Variants in SLC22A24 observed in about 807,000 individuals in gnomAD.
The protein encoded by SLC22A24 is solute carrier family 22 member 24.
A neutral mutation model predicts 49.8 loss-of-function variants in SLC22A24; 53 were observed. The observed-to-expected ratio is 1.06, with a 90% CI of 0.85 to 1.34. SLC22A24 has a LOEUF of 1.34. Ranked by LOEUF, SLC22A24 falls within the 40% of genes most tolerant of loss-of-function variation. The probability of loss-of-function intolerance (pLI) is 0.00; values close to 1 mark genes in which losing one functional copy is unlikely to be tolerated. For missense variants in SLC22A24, 786 were observed against 675.9 expected, an observed-to-expected ratio of 1.16 and a Z score of -1.81; for synonymous variants, 302 against 256.4, an observed-to-expected ratio of 1.18 and a Z score of -1.70.
rs1163784847 is a variant in SLC22A24, at chr11:63,079,993, C to A, written c.1606G>T (p.Asp536Tyr). Residue 536 changes from aspartate to tyrosine, a missense_variant, in exon 10 of 10, where the codon GAT becomes TAT. Transcript: ENST00000612278. Reference sequence around the variant, plus strand: ...TCTTCCTGCTTTATGTTTCTTGAATCTTTTCTGCTGAGAAATAGAAATGCA... The same window carrying A: ...TCTTCCTGCTTTATGTTTCTTGAATATTTTCTGCTGAGAAATAGAAATGCA... ...TIQDVENDRKDSRNIKQEDTC... is the reference protein window; with the variant it reads ...TIQDVENDRKYSRNIKQEDTC... 1 of 1,534,062 alleles carries A rather than the reference C, an allele frequency of 6.5e-7. No individual in the cohort carries two copies. Among genetic ancestry groups the A allele is most frequent in the East Asian group, 2.5e-5 (1 of 40,800 alleles).
chr11:63,097,747 G>A (rs11231353), intron 5 of SLC22A24, among the ~76,000 whole-genome samples: 75,817 of 151,850 alleles, frequency 0.5, 19,086 homozygotes, highest in Middle Eastern at 0.54. Context: ...AAAATAATGA[G>A]TTCATGTCCT....
At chr11:63,118,816 A>C (rs2087229843) in intron 4 of SLC22A24, 96 bp downstream of exon 4, 1 of 1,288,726 alleles carries the variant, frequency 7.8e-7, no homozygotes, top group Non-Finnish European at 1.1e-6. Flanking sequence ...GCTCAGGACT[A>C]GGCCAGAGAC....
At chr11:63,127,373 T>C (rs2087299160) in intron 2 of SLC22A24, among the ~76,000 whole-genome samples, 1 of 152,230 alleles carries the variant, frequency 6.6e-6, no homozygotes, top group African/African-American at 2.4e-5. Flanking sequence ...TAATCCAATC[T>C]GTCATTGGTG....
intron 2 of SLC22A24, among the ~76,000 whole-genome samples, chr11:63,128,808 A>G (rs915812900): frequency 6.6e-6 from 1 of 152,100 alleles, no homozygotes; most frequent in Non-Finnish European, 1.5e-5. Context: ...AATAAATAAC[A>G]GCGCAGCCTG....
rs539587924 is a variant in SLC22A24, at chr11:63,106,628, G to A, written c.831-2330C>T. On this transcript the variant is annotated intron_variant, in intron 4 of 9. Transcript: ENST00000612278. ...TTTTTAATGATCGCCATTCTAACTGGTGTTAGATGGTATCGCATCATGGTT... is the reference window on the plus strand; with the variant it reads ...TTTTTAATGATCGCCATTCTAACTGATGTTAGATGGTATCGCATCATGGTT... Among the ~76,000 whole-genome samples the A allele has an allele frequency of 7.9e-5, 12 of 152,256 alleles. No homozygotes were observed. The South Asian group carries it at 2.5e-3, about 32-fold the overall frequency.
rs1272071065 is a variant in SLC22A24, at chr11:63,083,464, T to G, written c.1071-7A>C. ...GGGTACAGTGATTGCGAATCTGAAG[T>G]GAATAAAAAGGACAAAGACATATTC... On this transcript the variant is annotated splice_polypyrimidine_tract_variant and splice_region_variant and intron_variant, in intron 6 of 9. Coordinates refer to ENST00000612278, the MANE Select transcript of SLC22A24 (RefSeq NM_001136506.2). The G allele has an allele frequency of 6.5e-7, 1 of 1,546,884 alleles. No homozygotes were observed. The highest frequency in any genetic ancestry group is 8.7e-7 in the Non-Finnish European group (1 of 1,143,248).
In SLC22A24 at chr11:63,119,161, TG is replaced by T; in HGVS notation, c.661+19del. ...AATTCAAGACATGGAGATGATAAAA[TG>T]CTCAAATTATTGACTTACTGAGAAT... is the stretch of plus-strand genomic sequence containing the variant. On this transcript the variant is annotated intron_variant, in intron 3 of 9. Transcript: ENST00000612278. 1 of 1,529,164 alleles carries T rather than the reference TG, an allele frequency of 6.5e-7. No homozygotes were observed. Among genetic ancestry groups the T allele is most frequent in the Non-Finnish European group, 8.8e-7 (1 of 1,136,382 alleles). The allele number at this position is 1,529,164 out of a possible 1,614,324, so 94.7% of individuals were successfully genotyped here. A position where few individuals can be genotyped will look rare whatever the true frequency, so the allele number is the denominator to read the frequency against.
chr11:63,119,226 C>A lies in SLC22A24; in HGVS notation c.616G>T (p.Ala206Ser). 6.5e-7 allele frequency: 1 copy of A among 1,550,282 alleles called. No individual in the cohort carries two copies. Among genetic ancestry groups the A allele is most frequent in the Non-Finnish European group, 8.7e-7 (1 of 1,146,554 alleles). ...FLVYCILRFL[A>S]GFSTMTILGN... Reference sequence around the variant, plus strand: ...AAAATAGTCATGGTGGAGAACCCTGCCAAGAAGCGCAGTATGCAGTAAACA... The same window carrying A: ...AAAATAGTCATGGTGGAGAACCCTGACAAGAAGCGCAGTATGCAGTAAACA... Residue 206 changes from alanine to serine, a missense_variant, in exon 3 of 10, where the codon GCA becomes TCA. Physicochemically the swap from Ala to Ser is moderately conservative, Grantham distance 99. Transcript: ENST00000612278.
chr11:63,134,814 A>G (rs2087362335), intron 1 of SLC22A24, 46 bp from the exon 2 acceptor site: 2 of 1,346,890 alleles, frequency 1.5e-6, no homozygotes, highest in Non-Finnish European at 2.1e-6. Flanking sequence ...GAAGAGTTTC[A>G]ACTCTTTAGT....
rs546725833 is a variant in SLC22A24 at position 63,107,828 on chromosome 11, T to G, written c.831-3530A>C. On this transcript the variant is annotated intron_variant, in intron 4 of 9. Transcript: ENST00000612278. ...AAGTTGCTTATCAGCTTAAGGAGAT[T>G]TTGGGCTGAGACAATGGGGTTTTCT... Among the ~76,000 whole-genome samples, 3 of 152,248 alleles carry G rather than the reference T, an allele frequency of 2.0e-5. No homozygotes were observed. The South Asian group carries it at 6.2e-4, about 32-fold the overall frequency.
Position 63,143,583 on chromosome 11 carries a change from G to T in SLC22A24, c.197C>A (p.Thr66Asn). Reference sequence around the variant, plus strand: ...TCTCAGGAGGTCATCCTTGCTGAGGGTCCCGGTATCATTGTCAGACACAGT... The same window carrying T: ...TCTCAGGAGGTCATCCTTGCTGAGGTTCCCGGTATCATTGTCAGACACAGT... Reference protein sequence around the residue: ...NDTVSDNDTGTLSKDDLLRIS... With the variant: ...NDTVSDNDTGNLSKDDLLRIS... Residue 66 changes from threonine (T) to asparagine (N), a missense_variant, in exon 1 of 10, where the codon ACC becomes AAC. Coordinates refer to ENST00000612278, the MANE Select transcript of SLC22A24 (RefSeq NM_001136506.2). 1 of 1,570,470 alleles carries T rather than the reference G, an allele frequency of 6.4e-7. No individual in the cohort carries two copies. Among genetic ancestry groups the T allele is most frequent in the Non-Finnish European group, 8.6e-7 (1 of 1,159,332 alleles).
chr11:63,106,643 G>A (rs911064609), intron 4 of SLC22A24, among the ~76,000 whole-genome samples: 34 of 152,108 alleles, frequency 2.2e-4, no homozygotes, highest in African/African-American at 6.5e-4. Context: ...AGATGGTATC[G>A]CATCATGGTT....
intron 4 of SLC22A24, chr11:63,115,798 AC>A: frequency 5.6e-6 from 1 of 177,452 alleles, no homozygotes. Flanking sequence ...GCACCAGAGG[AC>A]CCCAGCCCCA....
chr11:63,092,448 TC>T (rs941638456), intron 6 of SLC22A24, among the ~76,000 whole-genome samples: 1 of 141,394 alleles, frequency 7.1e-6, no homozygotes. Context: ...GCCAAGAAAA[TC>T]CTAAGGAAAG....
chr11:63,108,645 T>C (rs1565329882), intron 4 of SLC22A24, among the ~76,000 whole-genome samples: 1 of 152,138 alleles, frequency 6.6e-6, no homozygotes, highest in Non-Finnish European at 1.5e-5. Flanking sequence ...AACTTTTTCC[T>C]GGTGTTTAGT....
At chr11:63,094,533 C>T (rs2087040962) in intron 6 of SLC22A24, among the ~76,000 whole-genome samples, 1 of 152,136 alleles carries the variant, frequency 6.6e-6, no homozygotes, top group Non-Finnish European at 1.5e-5. Context: ...ATTTCTAGTT[C>T]TAGATCCCTG....
At position 63,115,716 on chromosome 11, in the gene SLC22A24, G is replaced by GT. The variant is rs913261141; in HGVS notation, c.830+3195dup. On this transcript the variant is annotated intron_variant, in intron 4 of 9. Coordinates refer to ENST00000612278, the MANE Select transcript of SLC22A24 (RefSeq NM_001136506.2). ...ATCTTGGAATGGAAGACCCGGTTTT[G>GT]TTTTTTTTATATGGGCAGATGTAGA... 5.3e-5 allele frequency among the ~76,000 whole-genome samples: 8 copies of GT among 151,554 alleles called. No individual in the cohort carries two copies. The South Asian group carries it at 6.3e-4, about 12-fold the overall frequency.
At chr11:63,113,849 A>C (rs1476052906) in intron 4 of SLC22A24, among the ~76,000 whole-genome samples, 2 of 133,802 alleles carry the variant, frequency 1.5e-5, no homozygotes, top group African/African-American at 2.9e-5. Flanking sequence ...GTGAGACTCC[A>C]TCTCAAAAAA....
chr11:63,140,075 GT>G (rs1554964301), intron 1 of SLC22A24, among the ~76,000 whole-genome samples: 120 of 85,796 alleles, frequency 1.4e-3, no homozygotes, highest in Middle Eastern at 5.5e-3. Flanking sequence ...TTGTTTTTTT[GT>G]TTTTTTTTTT....
Sources: gnomAD v4.1 joint callset for allele counts (sites outside exome capture counted in the v4.1 genomes callset) on GRCh38, gnomAD v4.1.1 for gene constraint, MANE v1.5 for transcripts, NCBI Gene and HGNC (gene_info 2026-07-23, HGNC 2026-07-21) for gene names.